WDR19: variants seen among roughly 807,000 people sequenced by gnomAD.
WDR19 encodes WD repeat-containing protein 19.
In WDR19, 121 loss-of-function variants were observed where a neutral mutation model predicts 180.0. The ratio of observed to expected loss-of-function variants is 0.67; its 90% CI spans 0.58 to 0.78. The LOEUF (loss-of-function observed/expected upper bound fraction) is 0.78, where lower values mean the gene tolerates loss of function less well. Ranked by LOEUF, WDR19 falls within the 30% of genes least tolerant of loss-of-function variation. The probability of loss-of-function intolerance (pLI) is 0.00; values close to 1 mark genes in which losing one functional copy is unlikely to be tolerated. For missense variants in WDR19, 1,450 were observed against 1,640.7 expected (o/e 0.88, Z 2.01); for synonymous variants, 497 against 540.7 (o/e 0.92, Z 1.12).
At position 39,186,569 on chromosome 4, in the gene WDR19, C is replaced by T. The variant is rs368821093; in HGVS notation, c.129C>T (p.Arg43=). The stretch of plus-strand genomic sequence containing the variant: ...ATTATATTGTGAAAATCTTTGATCG[C>T]CATGGTCAAAAAAGAAGTGAAATTA... ...GADYIVKIFD[R]HGQKRSEINL... is the part of the protein sequence containing the mutation. The change falls in exon 3 of 37, where the codon CGC becomes CGT. Residue 43 remains arginine, a synonymous_variant. Transcript: ENST00000399820. 5 of 1,584,892 alleles carry T rather than the reference C, an allele frequency of 3.2e-6. No homozygotes were observed. The highest frequency in any genetic ancestry group is 3.4e-6 in the Non-Finnish European group (4 of 1,168,694).
At chr4:39,246,727 G>T (rs939530240) in intron 24 of WDR19, among the ~76,000 whole-genome samples, 26 of 152,322 alleles carry the variant, frequency 1.7e-4, no homozygotes, top group African/African-American at 4.6e-4. Flanking sequence ...GACTCAGAGG[G>T]TCCTACACCC....
chr4:39,275,134 G>A, intron 33 of WDR19, 176 bp downstream of exon 33: 1 of 770,368 alleles, frequency 1.3e-6, no homozygotes, highest in Admixed American at 2.1e-5. Flanking sequence ...GAGGTCAGTA[G>A]TTCAAGACCA....
At chr4:39,202,322 T>C (rs893011613) in intron 6 of WDR19, among the ~76,000 whole-genome samples, 1 of 152,186 alleles carries the variant, frequency 6.6e-6, no homozygotes, top group African/African-American at 2.4e-5. Context: ...CGCCTCGTTT[T>C]TAGAAAGTAC....
At chr4:39,221,419 A>G (rs1729692566) in intron 14 of WDR19, among the ~76,000 whole-genome samples, 1 of 152,252 alleles carries the variant, frequency 6.6e-6, no homozygotes, top group African/African-American at 2.4e-5. Context: ...ATAAAGCAGC[A>G]ACTATCCTGG....
At chr4:39,233,295 C>T (rs1303605310) in intron 19 of WDR19, among the ~76,000 whole-genome samples, 1 of 152,132 alleles carries the variant, frequency 6.6e-6, no homozygotes, top group East Asian at 1.9e-4. Flanking sequence ...AGAAGGGAAA[C>T]CTGGCAATAT....
At chr4:39,250,897 A>G (rs186400234) in intron 24 of WDR19, among the ~76,000 whole-genome samples, 1 of 152,376 alleles carries the variant, frequency 6.6e-6, no homozygotes, top group Admixed American at 6.5e-5. Context: ...GCTCATGGGT[A>G]GGAAGAATCA....
chr4:39,220,870 A>ATTTTTTTTTTTT (rs34845614), intron 14 of WDR19, among the ~76,000 whole-genome samples: 1 of 60,648 alleles, frequency 1.6e-5, no homozygotes, highest in Non-Finnish European at 3.0e-5. Context: ...CTGCTAATTA[A>ATTTTTTTTTTTT]TTTTTTTTTT....
At chr4:39,267,199 C>A (rs1734897766) in intron 29 of WDR19, among the ~76,000 whole-genome samples, 1 of 152,224 alleles carries the variant, frequency 6.6e-6, no homozygotes, top group African/African-American at 2.4e-5. Context: ...GACCCACACA[C>A]CTTTGAGAAT....
Position 39,189,794 on chromosome 4 carries a change from T to G in WDR19, c.290+13T>G. The G allele has an allele frequency of 1.3e-6, 2 of 1,586,546 alleles. No homozygotes were observed. The highest frequency in any genetic ancestry group is 1.7e-6 in the Non-Finnish European group (2 of 1,171,492). On this transcript the variant is annotated intron_variant, in intron 4 of 36. Coordinates refer to ENST00000399820, the MANE Select transcript of WDR19 (RefSeq NM_025132.4). ...ACAATGGCATGAGGTAAGATAACTT[T>G]TTAATTTTTTAAAGCTTCACTTAGA...
intron 24 of WDR19, among the ~76,000 whole-genome samples, chr4:39,247,954 C>T (rs1013823298): frequency 6.6e-6 from 1 of 152,330 alleles, no homozygotes; most frequent in Admixed American, 6.5e-5. Flanking sequence ...AGGAGAACTT[C>T]CCCAATCTAG....
intron 1 of WDR19, among the ~76,000 whole-genome samples, chr4:39,183,893 T>C (rs1725241122): frequency 6.6e-6 from 1 of 152,212 alleles, no homozygotes. Flanking sequence ...AAATCACAGC[T>C]AGAGGCAAGT....
intron 9 of WDR19, chr4:39,205,947 G>A: frequency 2.1e-6 from 1 of 482,420 alleles, no homozygotes; most frequent in Non-Finnish European, 3.6e-6. Flanking sequence ...GTAGTTCTGG[G>A]TAACATGGAG....
At chr4:39,193,962 G>A (rs755579743) in intron 4 of WDR19, among the ~76,000 whole-genome samples, 2 of 152,212 alleles carry the variant, frequency 1.3e-5, no homozygotes, top group Non-Finnish European at 2.9e-5. Flanking sequence ...ATGGAAAGAG[G>A]TACTCTCCAA....
rs1181541805 is a variant in WDR19 at position 39,277,101 on chromosome 4, C to G, written c.3798C>G (p.Leu1266=). 1 of 1,613,884 alleles carries G rather than the reference C, an allele frequency of 6.2e-7. No individual in the cohort carries two copies. The highest frequency in any genetic ancestry group is 8.5e-7 in the Non-Finnish European group (1 of 1,179,832). ...TTCTTCTCCCAGAGTGTGAACTCCT[C>G]TGTCCTGGATGTAAAAACAGTATCC... ...CKFLLPECEL[L]CPGCKNSIPY... is the part of the protein sequence containing the mutation. Residue 1266 remains leucine (L), a synonymous_variant, in exon 34 of 37, where the codon CTC becomes CTG. Coordinates refer to ENST00000399820, the MANE Select transcript of WDR19 (RefSeq NM_025132.4).
At chr4:39,284,178 A>G (rs978504782) in intron 36 of WDR19, among the ~76,000 whole-genome samples, 9 of 152,008 alleles carry the variant, frequency 5.9e-5, no homozygotes, top group African/African-American at 2.2e-4. Context: ...CTGTCTTCTC[A>G]TTCTGGAACT....
In WDR19 at chr4:39,270,510, G is replaced by A. The variant is rs534984070; in HGVS notation, c.3483+410G>A. On this transcript the variant is annotated intron_variant, in intron 31 of 36. Coordinates refer to ENST00000399820, the MANE Select transcript of WDR19 (RefSeq NM_025132.4). ...TCTGCCTCAGCCTTCCAAGTAGCTG[G>A]GATTACAGGCACACACCACCACACC... Among the ~76,000 whole-genome samples, 3 of 152,192 alleles carry A rather than the reference G, an allele frequency of 2.0e-5. No homozygotes were observed. The East Asian group carries it at 5.8e-4, about 29-fold the overall frequency.
intron 29 of WDR19, among the ~76,000 whole-genome samples, chr4:39,266,905 G>A (rs575140999): frequency 3.9e-5 from 6 of 152,288 alleles, no homozygotes; most frequent in East Asian, 1.9e-4. Context: ...CCAACATGGC[G>A]AAACCCCGTC....
intron 14 of WDR19, among the ~76,000 whole-genome samples, chr4:39,222,016 C>T (rs1288584614): frequency 1.3e-5 from 2 of 152,164 alleles, no homozygotes; most frequent in East Asian, 3.8e-4. Context: ...TTCTCTAAAT[C>T]GGTTGTACCA....
intron 13 of WDR19, among the ~76,000 whole-genome samples, chr4:39,217,617 TG>T (rs932288969): frequency 6.6e-6 from 1 of 152,060 alleles, no homozygotes; most frequent in Admixed American, 6.6e-5. Flanking sequence ...GCATTTTGTG[TG>T]GGGGGGTCTT....
Sources: gnomAD v4.1 joint callset for allele counts (sites outside exome capture counted in the v4.1 genomes callset) on GRCh38, gnomAD v4.1.1 for gene constraint, MANE v1.5 for transcripts, NCBI Gene and HGNC (gene_info 2026-07-23, HGNC 2026-07-21) for gene names.